The following R3HDM1 variants were observed in gnomAD, a reference collection of about 807,000 sequenced individuals.
R3HDM1 encodes the protein R3H domain containing 1, also known as R3H domain-containing protein 1.
In R3HDM1, 46 loss-of-function variants were observed where a neutral mutation model predicts 141.1. The observed-to-expected ratio is 0.33, with a 90% CI of 0.26 to 0.42. R3HDM1 has a LOEUF of 0.42. Among genes scored for constraint, R3HDM1 ranks in the 10% least tolerant of loss-of-function variants. The pLI, the probability that R3HDM1 is intolerant of heterozygous loss-of-function variation, is 1.00. For missense variants in R3HDM1, 1,184 were observed against 1,368.3 expected (o/e 0.87, Z 2.12); for synonymous variants, 435 against 472.9 (o/e 0.92, Z 1.04).
intron 1 of R3HDM1, among the ~76,000 whole-genome samples, chr2:135,594,757 T>TTC (rs74775210): frequency 0.61 from 92,623 of 151,896 alleles, 33,519 homozygotes; most frequent in East Asian, 1. Flanking sequence ...TTTCATCCAC[T>TTC]TTCAGATTTT....
chr2:135,705,800 A>G (rs1559481909), intron 21 of R3HDM1, among the ~76,000 whole-genome samples: 1 of 152,244 alleles, frequency 6.6e-6, no homozygotes, highest in African/African-American at 2.4e-5. Flanking sequence ...GAATTACCCT[A>G]TAATGTTAAA....
intron 1 of R3HDM1, among the ~76,000 whole-genome samples, chr2:135,594,054 A>C (rs1709990770): frequency 6.6e-6 from 1 of 152,162 alleles, no homozygotes; most frequent in African/African-American, 2.4e-5. Flanking sequence ...GCACCATGCC[A>C]TCCTCAGAGA....
chr2:135,710,976 A>T (rs965162384), intron 23 of R3HDM1, among the ~76,000 whole-genome samples: 8 of 152,192 alleles, frequency 5.3e-5, no homozygotes, highest in African/African-American at 1.2e-4. Context: ...TTAAAAAAAA[A>T]TTTTGAGAGG....
chr2:135,707,413 T>C (rs2075087349), intron 21 of R3HDM1, among the ~76,000 whole-genome samples: 1 of 152,224 alleles, frequency 6.6e-6, no homozygotes, highest in Non-Finnish European at 1.5e-5. Flanking sequence ...AGAAGATAAG[T>C]AGAGGCCTGG....
At chr2:135,650,160 A>T (rs954235147) in intron 17 of R3HDM1, 157 bp downstream of exon 17, 4 of 972,464 alleles carry the variant, frequency 4.1e-6, no homozygotes, top group Non-Finnish European at 4.9e-6. Context: ...TACTAGAAAT[A>T]ATTTATTCCA....
At position 135,616,546 on chromosome 2, in the gene R3HDM1, C is replaced by T. The variant is rs2061036802; in HGVS notation, c.214-122C>T. Reference sequence around the variant, plus strand: ...TGTTTAATGATATATTTAACTTGCACATTTCATCTACTGTTATACATGGCA... The same window carrying T: ...TGTTTAATGATATATTTAACTTGCATATTTCATCTACTGTTATACATGGCA... On this transcript the variant is annotated intron_variant, in intron 4 of 26. Coordinates refer to ENST00000683871, the MANE Select transcript of R3HDM1 (RefSeq NM_001378107.1). 5.2e-6 allele frequency: 4 copies of T among 765,864 alleles called. No individual in the cohort carries two copies. In the South Asian group the frequency reaches 8.8e-5, roughly 17 times the overall value. 47.4% of individuals were successfully genotyped at this position (765,864 alleles called of 1,614,324 possible).
intron 1 of R3HDM1, among the ~76,000 whole-genome samples, chr2:135,579,605 T>C (rs112746402): frequency 2.0e-4 from 24 of 122,562 alleles, no homozygotes; most frequent in African/African-American, 7.6e-4. Context: ...CGGGGGGGGG[T>C]GGAAATGGCA....
intron 1 of R3HDM1, chr2:135,543,100 G>A (rs890288444): frequency 2.0e-6 from 2 of 984,188 alleles, no homozygotes; most frequent in Non-Finnish European, 2.4e-6. Flanking sequence ...CCACCAACTT[G>A]GGGAGGATAC....
Position 135,645,537 on chromosome 2 carries a change from T to A in R3HDM1, c.1623+10T>A, listed in dbSNP as rs181201174. The A allele has an allele frequency of 1.9e-6, 3 of 1,612,472 alleles. No homozygotes were observed. In the East Asian group the frequency reaches 6.7e-5, roughly 36 times the overall value. ...TCACATTTTCTCACAGGTGCACATA[T>A]CCATGATTACATAATGCTAAGTTGA... On this transcript the variant is annotated intron_variant, in intron 16 of 26. Transcript: ENST00000683871.
chr2:135,694,518 C>A (rs770630615), intron 21 of R3HDM1, among the ~76,000 whole-genome samples: 1 of 152,100 alleles, frequency 6.6e-6, no homozygotes, highest in African/African-American at 2.4e-5. Context: ...ACCAAAAAGC[C>A]AGAAATTATG....
rs762967083 is a variant in R3HDM1 at position 135,604,944 on chromosome 2, C to T, written c.99C>T (p.Ile33=). Reference sequence around the variant, plus strand: ...ATACAACCAGAGTTGAAAATCTTATCAAATCAGAAAACTATGGGAAGATTT... The same window carrying T: ...ATACAACCAGAGTTGAAAATCTTATTAAATCAGAAAACTATGGGAAGATTT... The part of the protein sequence containing the change: ...VKDTTRVENL[I]KSENYGKILV... The change falls in exon 3 of 27, where the codon ATC becomes ATT. Residue 33 remains isoleucine (I), a synonymous_variant. Coordinates refer to ENST00000683871, the MANE Select transcript of R3HDM1 (RefSeq NM_001378107.1). 4.3e-6 allele frequency: 7 copies of T among 1,612,086 alleles called. No individual in the cohort carries two copies. In the South Asian group the frequency reaches 7.7e-5, roughly 18 times the overall value.
chr2:135,636,240 G>C (rs1249996988), intron 11 of R3HDM1, 57 bp downstream of exon 11: 1 of 1,541,260 alleles, frequency 6.5e-7, no homozygotes, highest in Non-Finnish European at 8.7e-7. Context: ...TACGTTGTAG[G>C]GTCTCAGTCT....
At chr2:135,593,684 G>T (rs1198515852) in intron 1 of R3HDM1, among the ~76,000 whole-genome samples, 1 of 151,412 alleles carries the variant, frequency 6.6e-6, no homozygotes, top group African/African-American at 2.4e-5. Flanking sequence ...TAGTCTTCAG[G>T]GTACCATATT....
At chr2:135,707,412 G>A (rs995005936) in intron 21 of R3HDM1, among the ~76,000 whole-genome samples, 51 of 152,332 alleles carry the variant, frequency 3.3e-4, no homozygotes, top group African/African-American at 1.1e-3. Flanking sequence ...CAGAAGATAA[G>A]TAGAGGCCTG....
At chr2:135,672,737 TTGTG>T (rs1295879516) in intron 19 of R3HDM1, among the ~76,000 whole-genome samples, 1 of 151,894 alleles carries the variant, frequency 6.6e-6, no homozygotes, top group African/African-American at 2.4e-5. Context: ...GTGCGTGTGT[TTGTG>T]TGTGTGCTTG....
chr2:135,630,686 G>A (rs1386856474), intron 7 of R3HDM1, among the ~76,000 whole-genome samples: 2 of 152,244 alleles, frequency 1.3e-5, no homozygotes, highest in African/African-American at 4.8e-5. Context: ...AGAATAATCT[G>A]CATAGTGTTT....
intron 1 of R3HDM1, among the ~76,000 whole-genome samples, chr2:135,602,090 A>G (rs1350180819): frequency 6.2e-4 from 95 of 152,040 alleles, no homozygotes; most frequent in Admixed American, 6.2e-3. Context: ...TTACGGTTCA[A>G]AATTACAGTC....
chr2:135,628,537 A>C (rs2062285527), intron 7 of R3HDM1, among the ~76,000 whole-genome samples: 1 of 152,252 alleles, frequency 6.6e-6, no homozygotes, highest in South Asian at 2.1e-4. Flanking sequence ...AAATATTCTT[A>C]TACCTGCTCT....
intron 14 of R3HDM1, among the ~76,000 whole-genome samples, chr2:135,640,878 T>C (rs2063722599): frequency 6.6e-6 from 1 of 152,176 alleles, no homozygotes; most frequent in Admixed American, 6.5e-5. Context: ...AAATCAGTTA[T>C]CAAATTAGTT....
Sources: allele counts gnomAD v4.1 joint callset (sites outside exome capture counted in the v4.1 genomes callset), GRCh38; gene constraint gnomAD v4.1.1; transcripts MANE v1.5; gene names NCBI Gene and HGNC (gene_info 2026-07-23, HGNC 2026-07-21).